The following WDR72 variants were observed in gnomAD, a reference collection of about 807,000 sequenced individuals.
The protein encoded by WDR72 is WD repeat domain 72, also known as WD repeat-containing protein 72.
WDR72 carries 120 observed loss-of-function variants against 124.2 expected under a neutral mutation model. The ratio of observed to expected loss-of-function variants is 0.97; its 90% CI spans 0.83 to 1.12. The LOEUF is 1.12. Ranked by LOEUF, WDR72 falls within the 50% of genes most tolerant of loss-of-function variation. WDR72 has a pLI of 0.00. For missense variants in WDR72, 1,387 were observed against 1,278.8 expected (o/e 1.08, Z -1.29); for synonymous variants, 452 against 441.7 (o/e 1.02, Z -0.29).
intron 14 of WDR72, among the ~76,000 whole-genome samples, chr15:53,660,283 T>C (rs142487780): frequency 2.0e-5 from 3 of 152,226 alleles, no homozygotes; most frequent in East Asian, 1.9e-4. Context: ...CATGGTAACA[T>C]GTAGTATTGC....
intron 14 of WDR72, among the ~76,000 whole-genome samples, chr15:53,629,965 T>C (rs2014359783): frequency 6.6e-6 from 1 of 152,140 alleles, no homozygotes; most frequent in African/African-American, 2.4e-5. Flanking sequence ...TTTACAAATA[T>C]GTGCAAATTA....
At chr15:53,616,728 A>G (rs2013783080) in intron 14 of WDR72, among the ~76,000 whole-genome samples, 1 of 152,046 alleles carries the variant, frequency 6.6e-6, no homozygotes, top group African/African-American at 2.4e-5. Flanking sequence ...GAAAAACTCA[A>G]AAAACTCACC....
chr15:53,599,094 G>A (rs60027343), intron 17 of WDR72, among the ~76,000 whole-genome samples: 19,413 of 151,608 alleles, frequency 0.13, 1,808 homozygotes, highest in African/African-American at 0.26. Context: ...CCTGCACTCC[G>A]GCCTGGATGA....
chr15:53,754,376 C>G (rs971541321), intron 1 of WDR72, among the ~76,000 whole-genome samples: 1 of 151,948 alleles, frequency 6.6e-6, no homozygotes, highest in Non-Finnish European at 1.5e-5. Context: ...GAGGGAGACA[C>G]GAAAGGGCTT....
intron 6 of WDR72, 97 bp from the exon 7 acceptor site, chr15:53,712,988 C>T: frequency 2.5e-5 from 34 of 1,363,628 alleles, no homozygotes; most frequent in Non-Finnish European, 3.5e-5. Flanking sequence ...TAGATCACAC[C>T]ATTATAAAAC....
chr15:53,596,311 GT>G (rs887802765), intron 18 of WDR72, among the ~76,000 whole-genome samples: 10 of 152,050 alleles, frequency 6.6e-5, no homozygotes, highest in African/African-American at 2.4e-4. Context: ...TTTTTTTACA[GT>G]TTTTAATTTT....
At chr15:53,567,675 A>G (rs1894350129) in intron 18 of WDR72, among the ~76,000 whole-genome samples, 1 of 151,968 alleles carries the variant, frequency 6.6e-6, no homozygotes, top group South Asian at 2.1e-4. Context: ...GGACCAAACT[A>G]CAGAATCTAA....
At chr15:53,680,736 G>C (rs2016351611) in intron 13 of WDR72, among the ~76,000 whole-genome samples, 1 of 152,134 alleles carries the variant, frequency 6.6e-6, no homozygotes, top group Admixed American at 6.5e-5. Context: ...TGAACTGTAA[G>C]ATGGCATCAT....
At chr15:53,583,155 T>C (rs1356778790) in intron 18 of WDR72, among the ~76,000 whole-genome samples, 2 of 151,962 alleles carry the variant, frequency 1.3e-5, no homozygotes, top group Non-Finnish European at 2.9e-5. Context: ...ACAAGTTGTA[T>C]CATCATAGTA....
In WDR72 at chr15:53,517,052, C is replaced by T. The variant is rs78618140; in HGVS notation, c.*647G>A. ...GAGCTAAAGACATTAGCCTCAATGT[C>T]ATTAGAAGTTCAAATTAACTCAACA... On this transcript the variant is annotated 3_prime_UTR_variant, in exon 20 of 20. Transcript: ENST00000360509. 5.4e-3 allele frequency: 818 copies of T among 152,678 alleles called. 20 individuals are homozygous for T. The highest frequency in any genetic ancestry group is 0.04 in the Admixed American group (617 of 15,322). The allele number at this position is 152,678 out of a possible 1,614,324, so 9.5% of individuals were successfully genotyped here.
At chr15:53,556,748 G>C (rs1309421608) in intron 18 of WDR72, among the ~76,000 whole-genome samples, 1 of 152,074 alleles carries the variant, frequency 6.6e-6, no homozygotes, top group African/African-American at 2.4e-5. Flanking sequence ...AAAAAATACA[G>C]ACTGCTATTA....
intron 18 of WDR72, among the ~76,000 whole-genome samples, chr15:53,553,270 A>T (rs1893809642): frequency 6.6e-6 from 1 of 152,138 alleles, no homozygotes; most frequent in South Asian, 2.1e-4. Context: ...TTGAATAATA[A>T]ATGAGACCTG....
chr15:53,570,827 C>A (rs1218197092), intron 18 of WDR72, among the ~76,000 whole-genome samples: 1 of 152,034 alleles, frequency 6.6e-6, no homozygotes, highest in Non-Finnish European at 1.5e-5. Flanking sequence ...ATGGGATGAT[C>A]CCAGGTGCCC....
chr15:53,618,589 C>T (rs1254087777), intron 14 of WDR72, among the ~76,000 whole-genome samples: 2 of 151,958 alleles, frequency 1.3e-5, no homozygotes, highest in South Asian at 2.1e-4. Context: ...TCCCAGTATT[C>T]GTGAAGAAGG....
intron 14 of WDR72, among the ~76,000 whole-genome samples, chr15:53,656,354 G>A (rs375988386): frequency 1.3e-5 from 2 of 152,256 alleles, no homozygotes; most frequent in South Asian, 2.1e-4. Context: ...GGGCAAGAAC[G>A]TTAGCTGGAT....
chr15:53,608,284 G>C (rs573176128), intron 17 of WDR72, among the ~76,000 whole-genome samples: 1 of 152,182 alleles, frequency 6.6e-6, no homozygotes, highest in South Asian at 2.1e-4. Context: ...TCCATCAACA[G>C]ATAAATGGAT....
intron 18 of WDR72, among the ~76,000 whole-genome samples, chr15:53,529,737 A>G (rs1892345888): frequency 6.6e-6 from 1 of 151,948 alleles, no homozygotes; most frequent in Non-Finnish European, 1.5e-5. Context: ...AACTCTTTCT[A>G]TTCCTTTTAT....
chr15:53,732,427 A>C (rs1399028947), intron 2 of WDR72, among the ~76,000 whole-genome samples: 1 of 152,172 alleles, frequency 6.6e-6, no homozygotes, highest in African/African-American at 2.4e-5. Flanking sequence ...TGAGACAGGG[A>C]CAATTAATTG....
At chr15:53,621,548 T>C (rs1220856224) in intron 14 of WDR72, among the ~76,000 whole-genome samples, 4 of 150,096 alleles carry the variant, frequency 2.7e-5, no homozygotes, top group Non-Finnish European at 5.9e-5. Context: ...GAATGGAAAA[T>C]CAAGCATCAT....
Sources: allele counts gnomAD v4.1 joint callset (sites outside exome capture counted in the v4.1 genomes callset), GRCh38; gene constraint gnomAD v4.1.1; transcripts MANE v1.5; gene names NCBI Gene and HGNC (gene_info 2026-07-23, HGNC 2026-07-21).